The following SYNPR variants were observed in gnomAD, a reference collection of about 807,000 sequenced individuals.
The protein encoded by SYNPR is synaptoporin.
In SYNPR, 23 loss-of-function variants were observed where a neutral mutation model predicts 32.9. The ratio of observed to expected loss-of-function variants is 0.70; its 90% confidence interval spans 0.50 to 0.99. The LOEUF is 0.99. Ranked by LOEUF, SYNPR falls within the 50% of genes least tolerant of loss-of-function variation. The pLI is 0.00. For synonymous variants in SYNPR, 146 were observed against 135.9 expected (o/e 1.07, Z -0.52); for missense variants, 318 against 349.3 (o/e 0.91, Z 0.71).
intron 2 of SYNPR, among the ~76,000 whole-genome samples, chr3:63,393,957 TGTA>T (rs984892780): frequency 6.6e-6 from 1 of 152,340 alleles, no homozygotes; most frequent in African/African-American, 2.4e-5. Flanking sequence ...GTTATTGACT[TGTA>T]GTAGTTATTT....
At chr3:63,260,881 AAAAAACCATC>A (rs2086431711) in intron 2 of SYNPR, among the ~76,000 whole-genome samples, 1 of 152,144 alleles carries the variant, frequency 6.6e-6, no homozygotes, top group African/African-American at 2.4e-5. Flanking sequence ...ACAAGAAAAA[AAAAAACCATC>A]AAAAGTAGGT....
At chr3:63,507,245 T>TGCA (rs1701606518) in intron 3 of SYNPR, among the ~76,000 whole-genome samples, 1 of 151,900 alleles carries the variant, frequency 6.6e-6, no homozygotes, top group African/African-American at 2.4e-5. Flanking sequence ...ACTGGATATT[T>TGCA]TAACCATATC....
At chr3:63,476,741 A>G (rs1018726624) in intron 2 of SYNPR, among the ~76,000 whole-genome samples, 2 of 152,128 alleles carry the variant, frequency 1.3e-5, no homozygotes, top group Non-Finnish European at 2.9e-5. Context: ...GCTTAAATGT[A>G]ACACCCCCCC....
intron 2 of SYNPR, among the ~76,000 whole-genome samples, chr3:63,454,064 T>A (rs939823451): frequency 1.6e-4 from 25 of 152,248 alleles, no homozygotes; most frequent in Non-Finnish European, 3.4e-4. Flanking sequence ...TCAGTAAATG[T>A]TTATTAATAG....
At chr3:63,322,693 CA>C (rs2087123325) in intron 2 of SYNPR, among the ~76,000 whole-genome samples, 1 of 152,080 alleles carries the variant, frequency 6.6e-6, no homozygotes. Flanking sequence ...CACTTGTTCA[CA>C]ATCATTCGAC....
intron 2 of SYNPR, among the ~76,000 whole-genome samples, chr3:63,362,380 T>G (rs139306879): frequency 6.6e-6 from 1 of 152,326 alleles, no homozygotes; most frequent in African/African-American, 2.4e-5. Flanking sequence ...TTTAACTGTC[T>G]TTTTCTCATA....
At chr3:63,614,879 A>T (rs1172651540) in intron 5 of SYNPR, among the ~76,000 whole-genome samples, 3 of 152,234 alleles carry the variant, frequency 2.0e-5, no homozygotes, top group Non-Finnish European at 2.9e-5. Flanking sequence ...ATGGAACCAG[A>T]AGAGAGTTTG....
chr3:63,221,446 A>C, the SYNPR span, among the ~76,000 whole-genome samples: 2 of 152,184 alleles, frequency 1.3e-5, no homozygotes, highest in Non-Finnish European at 2.9e-5. Flanking sequence ...ATACTGATGT[A>C]ATCTTTGAGG....
chr3:63,382,875 T>C (rs970504863), intron 2 of SYNPR, among the ~76,000 whole-genome samples: 1 of 152,232 alleles, frequency 6.6e-6, no homozygotes, highest in African/African-American at 2.4e-5. Flanking sequence ...GTTTTGGTTT[T>C]TGTTTGTTTT....
At chr3:63,545,160 G>T (rs1269714693) in intron 3 of SYNPR, among the ~76,000 whole-genome samples, 4 of 152,008 alleles carry the variant, frequency 2.6e-5, no homozygotes, top group Non-Finnish European at 1.5e-5. Context: ...TGTCGCCATT[G>T]GGTGTGAGAC....
At chr3:63,221,008 G>A in the SYNPR span, among the ~76,000 whole-genome samples, 6 of 152,152 alleles carry the variant, frequency 3.9e-5, no homozygotes, top group Non-Finnish European at 8.8e-5. Flanking sequence ...GTTGGACCCT[G>A]ATCAATGCAC....
intron 4 of SYNPR, among the ~76,000 whole-genome samples, chr3:63,584,553 T>C (rs962024804): frequency 6.6e-6 from 1 of 151,892 alleles, no homozygotes; most frequent in Non-Finnish European, 1.5e-5. Flanking sequence ...AGGGGGAAGA[T>C]GCTATGTGTA....
At chr3:63,295,560 G>A (rs1254744634) in intron 2 of SYNPR, among the ~76,000 whole-genome samples, 1 of 152,126 alleles carries the variant, frequency 6.6e-6, no homozygotes, top group Non-Finnish European at 1.5e-5. Context: ...CAACCAAGGT[G>A]GTGGTTTCAC....
chr3:63,463,533 A>ACCTT (rs1476734799), intron 2 of SYNPR, among the ~76,000 whole-genome samples: 3 of 152,122 alleles, frequency 2.0e-5, no homozygotes, highest in African/African-American at 7.2e-5. Context: ...CAGTTGTGTC[A>ACCTT]CCTTATAAGT....
intron 2 of SYNPR, chr3:63,289,259 C>T (rs1382080965): frequency 1.3e-5 from 2 of 152,192 alleles, no homozygotes; most frequent in Non-Finnish European, 2.9e-5. Context: ...ATTATTTCTC[C>T]ATTGGAAGAA....
intron 3 of SYNPR, among the ~76,000 whole-genome samples, chr3:63,510,441 G>T (rs1252225797): frequency 1.3e-5 from 2 of 152,152 alleles, no homozygotes; most frequent in African/African-American, 4.8e-5. Context: ...TTTAAAGGAG[G>T]TGACAGCATT....
At chr3:63,480,215 T>C (rs1171938621) in intron 2 of SYNPR, among the ~76,000 whole-genome samples, 2 of 152,116 alleles carry the variant, frequency 1.3e-5, no homozygotes, top group African/African-American at 4.8e-5. Flanking sequence ...AAACTTTTAA[T>C]AGTTGACTTA....
At chr3:63,500,621 G>A (rs1701461055) in intron 3 of SYNPR, among the ~76,000 whole-genome samples, 1 of 152,106 alleles carries the variant, frequency 6.6e-6, no homozygotes, top group Non-Finnish European at 1.5e-5. Flanking sequence ...AGTGTCCCTT[G>A]GGAAAATGCT....
At chr3:63,284,043 C>T (rs921073601) in intron 2 of SYNPR, among the ~76,000 whole-genome samples, 2 of 152,162 alleles carry the variant, frequency 1.3e-5, no homozygotes, top group East Asian at 1.9e-4. Flanking sequence ...CTCCTGACCT[C>T]GTGATCTGCC....
Sources: allele counts gnomAD v4.1 joint callset (sites outside exome capture counted in the v4.1 genomes callset), GRCh38; gene constraint gnomAD v4.1.1; transcripts MANE v1.5; gene names NCBI Gene and HGNC (gene_info 2026-07-23, HGNC 2026-07-21).